The following NIPAL2 variants were observed in gnomAD, a reference collection of about 807,000 sequenced individuals.
NIPAL2 encodes the protein NIPA like domain containing 2, also known as NIPA-like protein 2.
Under a neutral mutation model 48.9 loss-of-function variants are expected in NIPAL2, and 43 were observed. That is an observed-to-expected ratio of 0.88 (90% CI 0.69 to 1.13). NIPAL2 has a LOEUF of 1.13. NIPAL2 is among the 50% of genes most tolerant of loss of function. The pLI is 0.00. For missense variants in NIPAL2, 446 were observed against 461.4 expected, an observed-to-expected ratio of 0.97 and a Z score of 0.31; for synonymous variants, 167 against 174.6, an observed-to-expected ratio of 0.96 and a Z score of 0.34.
At chr8:98,260,770 G>C (rs1433478239) in intron 1 of NIPAL2, among the ~76,000 whole-genome samples, 1 of 152,238 alleles carries the variant, frequency 6.6e-6, no homozygotes, top group East Asian at 1.9e-4. Context: ...ACTGGGCGGA[G>C]CCCACCACAG....
At chr8:98,263,391 T>C (rs1814486756) in intron 1 of NIPAL2, among the ~76,000 whole-genome samples, 1 of 147,180 alleles carries the variant, frequency 6.8e-6, no homozygotes, top group Non-Finnish European at 1.5e-5. Context: ...GCAAGACTAA[T>C]AAAGAAAAAA....
In NIPAL2 at chr8:98,231,350, T is replaced by C. The variant is rs61343066; in HGVS notation, c.436+4805A>G. On this transcript the variant is annotated intron_variant, in intron 4 of 10. Transcript: ENST00000430223. The stretch of plus-strand genomic sequence containing the variant: ...AGAGACGATGGGTCATTTAGCTAGT[T>C]TAGTATTCTAGACATTGGCTCCAAA... 9.3e-4 allele frequency among the ~76,000 whole-genome samples: 141 copies of C among 152,258 alleles called. 1 individual carries two copies. Among genetic ancestry groups the C allele is most frequent in the African/African-American group, 3.3e-3 (137 of 41,560 alleles).
intron 1 of NIPAL2, among the ~76,000 whole-genome samples, chr8:98,287,931 C>G (rs1231772873): frequency 6.6e-6 from 1 of 152,184 alleles, no homozygotes; most frequent in African/African-American, 2.4e-5. Context: ...GTTTAATTCT[C>G]ATAAGCTAAC....
At chr8:98,271,707 G>C (rs1815138822) in intron 1 of NIPAL2, among the ~76,000 whole-genome samples, 1 of 151,876 alleles carries the variant, frequency 6.6e-6, no homozygotes, top group African/African-American at 2.4e-5. Flanking sequence ...CCTGATTGCT[G>C]TGGATAGGAC....
intron 4 of NIPAL2, among the ~76,000 whole-genome samples, chr8:98,232,538 G>A (rs1004110313): frequency 2.6e-5 from 4 of 152,108 alleles, no homozygotes; most frequent in African/African-American, 4.8e-5. Context: ...AGGCCCTGTT[G>A]TTAGAGTTTT....
At chr8:98,224,755 CTTTTTT>C (rs371936351) in intron 4 of NIPAL2, among the ~76,000 whole-genome samples, 1 of 123,768 alleles carries the variant, frequency 8.1e-6, no homozygotes, top group Admixed American at 9.5e-5. Flanking sequence ...TCTTTCTTTT[CTTTTTT>C]TTTTTTTTTT....
chr8:98,242,536 G>A (rs1813050016), intron 3 of NIPAL2, among the ~76,000 whole-genome samples: 1 of 142,892 alleles, frequency 7.0e-6, no homozygotes, highest in Non-Finnish European at 1.5e-5. Context: ...CACCCAGGCT[G>A]GAGTGCATTG....
intron 1 of NIPAL2, among the ~76,000 whole-genome samples, chr8:98,285,797 C>T (rs946450413): frequency 7.2e-5 from 11 of 151,952 alleles, no homozygotes; most frequent in Admixed American, 2.6e-4. Context: ...GTAGGGAAGC[C>T]GAATTCAAAG....
intron 1 of NIPAL2, among the ~76,000 whole-genome samples, chr8:98,270,600 T>C (rs1422291958): frequency 6.6e-6 from 1 of 152,168 alleles, no homozygotes; most frequent in African/African-American, 2.4e-5. Context: ...TCTAGACTAA[T>C]ACATCTTTGT....
At chr8:98,250,158 A>T (rs1309226695) in intron 3 of NIPAL2, among the ~76,000 whole-genome samples, 1 of 152,188 alleles carries the variant, frequency 6.6e-6, no homozygotes, top group African/African-American at 2.4e-5. Context: ...ATAGAAGAAA[A>T]ATCAGAAAAG....
At chr8:98,244,986 A>T (rs1813232616) in intron 3 of NIPAL2, among the ~76,000 whole-genome samples, 1 of 152,322 alleles carries the variant, frequency 6.6e-6, no homozygotes, top group African/African-American at 2.4e-5. Flanking sequence ...CAGGATGTAT[A>T]TTTATAATAT....
At chr8:98,235,123 A>G (rs1243541557) in intron 4 of NIPAL2, among the ~76,000 whole-genome samples, 1 of 152,210 alleles carries the variant, frequency 6.6e-6, no homozygotes, top group Non-Finnish European at 1.5e-5. Context: ...TGCTCAACAT[A>G]CCAACACTGG....
At chr8:98,289,213 C>CA (rs1816361243) in intron 1 of NIPAL2, among the ~76,000 whole-genome samples, 1 of 152,018 alleles carries the variant, frequency 6.6e-6, no homozygotes, top group African/African-American at 2.4e-5. Context: ...TTTTTTTCCT[C>CA]ATATAAATGA....
intron 4 of NIPAL2, among the ~76,000 whole-genome samples, chr8:98,224,755 C>CTTTTTTTT (rs371936351): frequency 3.2e-3 from 391 of 123,690 alleles, no homozygotes; most frequent in Non-Finnish European, 4.4e-3. Flanking sequence ...TCTTTCTTTT[C>CTTTTTTTT]TTTTTTTTTT....
intron 1 of NIPAL2, among the ~76,000 whole-genome samples, chr8:98,255,519 A>G (rs555188639): frequency 6.6e-6 from 1 of 152,230 alleles, no homozygotes; most frequent in Non-Finnish European, 1.5e-5. Context: ...TGACTCAAGT[A>G]TAGCATGAAA....
chr8:98,221,101 G>A (rs1352511295), intron 5 of NIPAL2, among the ~76,000 whole-genome samples: 1 of 148,728 alleles, frequency 6.7e-6, no homozygotes, highest in East Asian at 2.1e-4. Context: ...TCAGCCTCCC[G>A]AGTAGCTGGG....
chr8:98,193,482 T>A, intron 10 of NIPAL2: 1 of 1,470,560 alleles, frequency 6.8e-7, no homozygotes, highest in Admixed American at 1.7e-5. Flanking sequence ...CTAAAGCTAC[T>A]ACGGAGCCTA....
chr8:98,198,831 C>A (rs943059576), intron 8 of NIPAL2, among the ~76,000 whole-genome samples: 3 of 152,214 alleles, frequency 2.0e-5, no homozygotes, highest in African/African-American at 7.2e-5. Flanking sequence ...CTGGTTTGAT[C>A]TGTCCAGACC....
At chr8:98,276,920 C>A (rs941761840) in intron 1 of NIPAL2, among the ~76,000 whole-genome samples, 2 of 152,040 alleles carry the variant, frequency 1.3e-5, no homozygotes, top group African/African-American at 4.8e-5. Flanking sequence ...CTAGTGCATG[C>A]CACCATGCTC....
Sources: gnomAD v4.1 joint callset for allele counts (sites outside exome capture counted in the v4.1 genomes callset) on GRCh38, gnomAD v4.1.1 for gene constraint, MANE v1.5 for transcripts, NCBI Gene and HGNC (gene_info 2026-07-23, HGNC 2026-07-21) for gene names.